Variants in LMX1B observed in about 807,000 individuals in gnomAD.
LMX1B encodes the protein LIM homeobox transcription factor 1-beta.
LMX1B carries 12 observed loss-of-function variants against 51.4 expected under a neutral mutation model. That is an observed-to-expected ratio of 0.23 (90% CI 0.15 to 0.38). The LOEUF (loss-of-function observed/expected upper bound fraction) is 0.38. LMX1B is among the 10% of genes least tolerant of loss of function. The probability of loss-of-function intolerance (pLI) is 1.00; values close to 1 mark genes in which losing one functional copy is unlikely to be tolerated. For synonymous variants in LMX1B, 237 were observed against 235.4 expected (o/e 1.01, Z -0.06); for missense variants, 445 against 571.1 (o/e 0.78, Z 2.25).
At chr9:126,666,469 A>C (rs1450165473) in intron 2 of LMX1B, among the ~76,000 whole-genome samples, 1 of 152,186 alleles carries the variant, frequency 6.6e-6, no homozygotes, top group African/African-American at 2.4e-5. Flanking sequence ...GGAAAGAGGA[A>C]AGGGAAGCAG....
At chr9:126,649,839 G>T (rs1381755313) in intron 2 of LMX1B, among the ~76,000 whole-genome samples, 1 of 151,992 alleles carries the variant, frequency 6.6e-6, no homozygotes. Context: ...TCTTTCCCAG[G>T]CTAGTCTCAA....
At chr9:126,679,900 T>G (rs1836641841) in intron 2 of LMX1B, among the ~76,000 whole-genome samples, 1 of 152,208 alleles carries the variant, frequency 6.6e-6, no homozygotes, top group African/African-American at 2.4e-5. Flanking sequence ...CTCTGAACTC[T>G]TTGAAGTCTC....
intron 3 of LMX1B, among the ~76,000 whole-genome samples, chr9:126,691,496 C>T (rs2030129904): frequency 6.6e-6 from 1 of 152,222 alleles, no homozygotes; most frequent in African/African-American, 2.4e-5. Flanking sequence ...CATGACACAG[C>T]ACACTTGTGC....
intron 2 of LMX1B, among the ~76,000 whole-genome samples, chr9:126,684,409 G>T (rs1432635924): frequency 6.6e-6 from 1 of 152,172 alleles, no homozygotes; most frequent in Non-Finnish European, 1.5e-5. Context: ...TCCCTCCTGT[G>T]CCAGACGCTG....
intron 2 of LMX1B, among the ~76,000 whole-genome samples, chr9:126,631,439 G>C (rs1835635597): frequency 6.6e-6 from 1 of 152,090 alleles, no homozygotes; most frequent in Non-Finnish European, 1.5e-5. Context: ...ATGCCTATTA[G>C]GTCTGGGCTG....
intron 2 of LMX1B, among the ~76,000 whole-genome samples, chr9:126,619,475 T>A (rs1484474871): frequency 6.6e-6 from 1 of 152,052 alleles, no homozygotes; most frequent in Non-Finnish European, 1.5e-5. Flanking sequence ...GCCCCAACCA[T>A]CAAACTCATT....
chr9:126,689,552 G>A (rs180756938), intron 2 of LMX1B, among the ~76,000 whole-genome samples: 16 of 152,366 alleles, frequency 1.1e-4, no homozygotes, highest in East Asian at 7.7e-4. Context: ...TTCCATCAAA[G>A]TGTTGTTGAG....
chr9:126,680,673 G>T (rs1265301085), intron 2 of LMX1B, among the ~76,000 whole-genome samples: 1 of 152,166 alleles, frequency 6.6e-6, no homozygotes, highest in Non-Finnish European at 1.5e-5. Flanking sequence ...CCAGGAGAGG[G>T]CCTGGCTCAT....
At chr9:126,662,316 G>T (rs929118182) in intron 2 of LMX1B, among the ~76,000 whole-genome samples, 3 of 152,166 alleles carry the variant, frequency 2.0e-5, no homozygotes, top group Non-Finnish European at 4.4e-5. Flanking sequence ...GTACCTGGTG[G>T]TTTAATAATA....
chr9:126,646,568 T>G (rs184992067), intron 2 of LMX1B, among the ~76,000 whole-genome samples: 1 of 152,340 alleles, frequency 6.6e-6, no homozygotes, highest in East Asian at 1.9e-4. Flanking sequence ...AGAGATTGAC[T>G]GTCCAGGTGG....
At chr9:126,674,802 G>A (rs1034610665) in intron 2 of LMX1B, among the ~76,000 whole-genome samples, 25 of 152,114 alleles carry the variant, frequency 1.6e-4, no homozygotes, top group Non-Finnish European at 1.3e-4. Flanking sequence ...GCCAGGACCC[G>A]CTGTGCCTCT....
At chr9:126,650,642 T>TC (rs1475425798) in intron 2 of LMX1B, among the ~76,000 whole-genome samples, 2 of 152,158 alleles carry the variant, frequency 1.3e-5, no homozygotes, top group Non-Finnish European at 2.9e-5. Context: ...GCTCCTGGCC[T>TC]CTCGGCACTG....
intron 2 of LMX1B, among the ~76,000 whole-genome samples, chr9:126,623,490 T>C (rs1202030956): frequency 6.6e-6 from 1 of 152,214 alleles, no homozygotes; most frequent in Non-Finnish European, 1.5e-5. Context: ...GGGAGGAAAC[T>C]GAGGCTGAGC....
chr9:126,696,680 C>T lies in LMX1B; in HGVS notation c.*229C>T, dbSNP rs2030350240. On this transcript the variant is annotated 3_prime_UTR_variant, in exon 8 of 8. Transcript: ENST00000373474. ...GTCCTGCCCACAGAGACCTTGTCATCCCCAGGGACCCAGAGCTCTCGGACG... is the reference window on the plus strand; with the variant it reads ...GTCCTGCCCACAGAGACCTTGTCATTCCCAGGGACCCAGAGCTCTCGGACG... 2 of 577,872 alleles carry T rather than the reference C, an allele frequency of 3.5e-6. No homozygotes were observed. The highest frequency in any genetic ancestry group is 2.1e-5 in the South Asian group (1 of 47,354). The allele number at this position is 577,872 out of a possible 1,614,324, so 35.8% of individuals were successfully genotyped here.
intron 2 of LMX1B, among the ~76,000 whole-genome samples, chr9:126,668,638 G>T (rs1195649644): frequency 1.3e-5 from 2 of 152,070 alleles, no homozygotes; most frequent in Non-Finnish European, 2.9e-5. Flanking sequence ...ATTTTTAGTA[G>T]AGACAGGGTT....
At chr9:126,628,570 G>A (rs972047765) in intron 2 of LMX1B, among the ~76,000 whole-genome samples, 6 of 152,174 alleles carry the variant, frequency 3.9e-5, no homozygotes, top group African/African-American at 1.2e-4. Context: ...TCTACGCTGC[G>A]AAACAACACT....
intron 3 of LMX1B, 33 bp from the exon 4 acceptor site, chr9:126,693,109 C>G: frequency 1.3e-6 from 2 of 1,547,008 alleles, no homozygotes; most frequent in East Asian, 4.9e-5. Context: ...TGCCCCCGCC[C>G]CTTCATCACA....
chr9:126,622,797 AAAGG>A (rs1248036825), intron 2 of LMX1B, among the ~76,000 whole-genome samples: 2 of 152,196 alleles, frequency 1.3e-5, no homozygotes, highest in East Asian at 3.9e-4. Context: ...ACATTTTCTC[AAAGG>A]AAGAGCAAGC....
intron 2 of LMX1B, among the ~76,000 whole-genome samples, chr9:126,638,518 G>T (rs1315288669): frequency 6.6e-6 from 1 of 152,252 alleles, no homozygotes; most frequent in Non-Finnish European, 1.5e-5. Context: ...AGGGAGAGGA[G>T]GGAAGAGCAA....
Sources: allele counts gnomAD v4.1 joint callset (sites outside exome capture counted in the v4.1 genomes callset), GRCh38; gene constraint gnomAD v4.1.1; transcripts MANE v1.5; gene names NCBI Gene and HGNC (gene_info 2026-07-23, HGNC 2026-07-21).